Variants in RUNX2 observed in about 807,000 individuals in gnomAD.
RUNX2 encodes the protein RUNX family transcription factor 2, also known as runt-related transcription factor 2.
Under a neutral mutation model 51.7 loss-of-function variants are expected in RUNX2, and 10 were observed. The observed-to-expected ratio is 0.19, with a 90% confidence interval of 0.12 to 0.33. The LOEUF (loss-of-function observed/expected upper bound fraction) is 0.33. Ranked by LOEUF, RUNX2 falls within the 10% of genes least tolerant of loss-of-function variation. RUNX2 has a pLI of 1.00. For missense variants in RUNX2, 562 were observed against 691.3 expected (o/e 0.81, Z 2.10); for synonymous variants, 276 against 273.6 (o/e 1.01, Z -0.09).
At chr6:45,490,879 G>C (rs777907876) in intron 5 of RUNX2, among the ~76,000 whole-genome samples, 25 of 152,050 alleles carry the variant, frequency 1.6e-4, no homozygotes, top group Non-Finnish European at 3.4e-4. Flanking sequence ...CACAGAATCT[G>C]GAGGAAGGAA....
At chr6:45,405,969 A>G (rs1481442818) in intron 2 of RUNX2, among the ~76,000 whole-genome samples, 1 of 152,222 alleles carries the variant, frequency 6.6e-6, no homozygotes, top group Non-Finnish European at 1.5e-5. Flanking sequence ...TACCTATTTC[A>G]TACAGTTGTT....
chr6:45,439,690 T>C (rs1390783639), intron 5 of RUNX2, among the ~76,000 whole-genome samples: 1 of 152,036 alleles, frequency 6.6e-6, no homozygotes, highest in Non-Finnish European at 1.5e-5. Context: ...TGTGTATGTG[T>C]GTGTGTATGT....
intron 2 of RUNX2, among the ~76,000 whole-genome samples, chr6:45,343,511 A>G (rs1243924508): frequency 6.6e-6 from 1 of 152,194 alleles, no homozygotes; most frequent in African/African-American, 2.4e-5. Flanking sequence ...GAATTTTCAC[A>G]TTCATACACC....
chr6:45,429,798 A>C (rs1798487783), intron 3 of RUNX2, among the ~76,000 whole-genome samples: 1 of 152,070 alleles, frequency 6.6e-6, no homozygotes, highest in African/African-American at 2.4e-5. Context: ...CATTTATTTC[A>C]AAAATGTTTA....
intron 7 of RUNX2, among the ~76,000 whole-genome samples, chr6:45,528,477 C>T (rs999260579): frequency 2.2e-4 from 33 of 152,074 alleles, no homozygotes; most frequent in South Asian, 6.2e-4. Flanking sequence ...AAAAATTAGT[C>T]GGGTGTGGTG....
chr6:45,538,872 G>A (rs893080159), intron 7 of RUNX2, among the ~76,000 whole-genome samples: 1 of 152,116 alleles, frequency 6.6e-6, no homozygotes, highest in South Asian at 2.1e-4. Context: ...TGACTGCCAC[G>A]GCACCGTGGG....
intron 6 of RUNX2, among the ~76,000 whole-genome samples, chr6:45,503,189 T>C (rs1389409725): frequency 2.6e-5 from 4 of 152,210 alleles, no homozygotes; most frequent in Non-Finnish European, 5.9e-5. Context: ...CATAGTTATA[T>C]GATTATTTGA....
chr6:45,539,926 T>C (rs1251063760), intron 7 of RUNX2, among the ~76,000 whole-genome samples: 1 of 152,244 alleles, frequency 6.6e-6, no homozygotes, highest in African/African-American at 2.4e-5. Flanking sequence ...TCTACATAAA[T>C]GTCCAAGGTT....
At chr6:45,501,586 T>A (rs1353025329) in intron 6 of RUNX2, among the ~76,000 whole-genome samples, 2 of 152,238 alleles carry the variant, frequency 1.3e-5, no homozygotes, top group Non-Finnish European at 2.9e-5. Context: ...CTGTCTAAAC[T>A]GACCACAATC....
At chr6:45,387,109 C>T (rs751452264) in intron 2 of RUNX2, among the ~76,000 whole-genome samples, 10 of 152,032 alleles carry the variant, frequency 6.6e-5, no homozygotes, top group African/African-American at 1.9e-4. Flanking sequence ...CTTGGGTACT[C>T]GTAAGACATG....
At chr6:45,410,339 G>T (rs1797923894) in intron 2 of RUNX2, among the ~76,000 whole-genome samples, 1 of 152,174 alleles carries the variant, frequency 6.6e-6, no homozygotes, top group African/African-American at 2.4e-5. Flanking sequence ...AGTGACAATG[G>T]ATATGGAAAG....
intron 5 of RUNX2, among the ~76,000 whole-genome samples, chr6:45,473,529 C>T (rs529819085): frequency 7.2e-5 from 11 of 152,264 alleles, no homozygotes; most frequent in South Asian, 2.1e-4. Context: ...TTATGCTTGA[C>T]GACAGGTGCT....
chr6:45,497,899 T>A (rs1237874079), intron 6 of RUNX2, among the ~76,000 whole-genome samples: 1 of 152,246 alleles, frequency 6.6e-6, no homozygotes, highest in African/African-American at 2.4e-5. Flanking sequence ...AATATTTTTC[T>A]AGTGTCTGTT....
chr6:45,474,373 ATGTG>A (rs56719456), intron 5 of RUNX2, among the ~76,000 whole-genome samples: 9,958 of 149,322 alleles, frequency 0.067, 749 homozygotes, highest in African/African-American at 0.18. Flanking sequence ...TGTTTTATAT[ATGTG>A]TGTGTGTGTG....
At position 45,373,043 on chromosome 6, in the gene RUNX2, G is replaced by A. The variant is rs533895336; in HGVS notation, c.58+44259G>A. Among the ~76,000 whole-genome samples the A allele has an allele frequency of 1.2e-4, 18 of 152,178 alleles. No homozygotes were observed. The South Asian group carries it at 3.7e-3, about 32-fold the overall frequency. ...GCTGGTCTCAAACTCCTGACCTCAG[G>A]CGATCCACCTGCCTCGGCCTCCCAA... On this transcript the variant is annotated intron_variant, in intron 2 of 8. Transcript: ENST00000647337.
chr6:45,379,288 CAGAG>C (rs1300593157), intron 2 of RUNX2, among the ~76,000 whole-genome samples: 1 of 152,164 alleles, frequency 6.6e-6, no homozygotes, highest in African/African-American at 2.4e-5. Context: ...GGGAAAGTAA[CAGAG>C]TGAGTATGGT....
intron 5 of RUNX2, among the ~76,000 whole-genome samples, chr6:45,473,871 C>T (rs988722820): frequency 2.6e-5 from 4 of 152,162 alleles, no homozygotes; most frequent in African/African-American, 7.2e-5. Context: ...TTTTCTTCCT[C>T]GGTCATAGTT....
chr6:45,538,570 A>C (rs543886163), intron 7 of RUNX2, among the ~76,000 whole-genome samples: 115 of 152,012 alleles, frequency 7.6e-4, no homozygotes, highest in African/African-American at 2.6e-3. Context: ...ATTTGGCTCC[A>C]TGTTTTGGTA....
intron 5 of RUNX2, among the ~76,000 whole-genome samples, chr6:45,491,166 C>T (rs73737435): frequency 0.055 from 8,407 of 152,204 alleles, 277 homozygotes; most frequent in African/African-American, 0.087. Context: ...TCCCCCCCTC[C>T]GCCAAATAAT....
Sources: allele counts gnomAD v4.1 joint callset (sites outside exome capture counted in the v4.1 genomes callset), GRCh38; gene constraint gnomAD v4.1.1; transcripts MANE v1.5; gene names NCBI Gene and HGNC (gene_info 2026-07-23, HGNC 2026-07-21).